The following CCDC30 variants were observed in gnomAD, a reference collection of about 807,000 sequenced individuals.
CCDC30 encodes coiled-coil domain-containing protein 30.
CCDC30 carries 70 observed loss-of-function variants against 100.2 expected under a neutral mutation model. The ratio of observed to expected loss-of-function variants is 0.70; its 90% confidence interval spans 0.58 to 0.85. CCDC30 has a LOEUF of 0.85. CCDC30 is among the 40% of genes least tolerant of loss of function. CCDC30 has a pLI of 0.00. For missense variants in CCDC30, 652 were observed against 771.2 expected (o/e 0.85, Z 1.83); for synonymous variants, 233 against 269.5 (o/e 0.86, Z 1.33).
chr1:42,515,438 T>C (rs1313161857), intron 6 of CCDC30, among the ~76,000 whole-genome samples: 1 of 152,190 alleles, frequency 6.6e-6, no homozygotes, highest in African/African-American at 2.4e-5. Flanking sequence ...CTTTGGGAGA[T>C]GATTTGGCAG....
intron 10 of CCDC30, chr1:42,593,968 A>G (rs1424499227): frequency 2.0e-5 from 3 of 152,170 alleles, no homozygotes; most frequent in African/African-American, 7.2e-5. Flanking sequence ...GTTGAGTTCT[A>G]GCACAGTCCA....
At chr1:42,651,161 G>A (rs12136206) in intron 15 of CCDC30, among the ~76,000 whole-genome samples, 41,697 of 151,750 alleles carry the variant, frequency 0.27, 6,183 homozygotes, top group Middle Eastern at 0.35. Flanking sequence ...ACATGATATT[G>A]ACCTGGACAA....
Position 42,546,428 on chromosome 1 carries a change from A to ATGTATATATATG in CCDC30, c.457-19867_457-19866insGTATATATATGT, listed in dbSNP as rs1645144447. On this transcript the variant is annotated intron_variant, in intron 6 of 16. Transcript: ENST00000668663. ...TATATATATATATATATATATATAT[A>ATGTATATATATG]TATATATATATATAGTATTCTAATA... Among the ~76,000 whole-genome samples, 30 of 73,766 alleles carry ATGTATATATATG rather than the reference A, an allele frequency of 4.1e-4. 1 individual carries two copies. The highest frequency in any genetic ancestry group is 1.2e-3 in the African/African-American group (27 of 23,304). The allele number at this position is 73,766 out of a possible 152,430, so 48.4% of individuals were successfully genotyped here. A position where few individuals can be genotyped will look rare whatever the true frequency, so the allele number is the denominator to read the frequency against.
intron 11 of CCDC30, among the ~76,000 whole-genome samples, chr1:42,633,604 C>G (rs996109322): frequency 6.6e-6 from 1 of 152,084 alleles, no homozygotes; most frequent in Non-Finnish European, 1.5e-5. Context: ...CCAAATCTAT[C>G]TTTGTCAATG....
intron 6 of CCDC30, among the ~76,000 whole-genome samples, chr1:42,507,223 A>T (rs1644408298): frequency 6.6e-6 from 1 of 152,130 alleles, no homozygotes; most frequent in Non-Finnish European, 1.5e-5. Context: ...CACCGTGCCC[A>T]GCCTCAATTT....
rs745854180 is a variant in CCDC30 at position 42,611,086 on chromosome 1, G to T, written c.1273G>T (p.Val425Leu). 2.5e-6 allele frequency: 4 copies of T among 1,572,220 alleles called. No homozygotes were observed. In the Admixed American group the frequency reaches 6.7e-5, roughly 26 times the overall value. Residue 425 changes from valine to leucine, a missense_variant, in exon 11 of 17, where the codon GTG becomes TTG. Val to Leu is a conservative substitution (Grantham distance 32). Coordinates refer to ENST00000668663, the Ensembl canonical transcript of CCDC30. ...ATTATTGAAGCTGCTTAATGTCCATGTGAGGTAAACAAAGACAAGTTCTCT... is the reference window on the plus strand; with the variant it reads ...ATTATTGAAGCTGCTTAATGTCCATTTGAGGTAAACAAAGACAAGTTCTCT...
chr1:42,505,055 G>A (rs1382838889), intron 6 of CCDC30, among the ~76,000 whole-genome samples: 1 of 152,158 alleles, frequency 6.6e-6, no homozygotes, highest in East Asian at 1.9e-4. Context: ...TCAGTTAGAA[G>A]GTGCTACCAT....
intron 11 of CCDC30, among the ~76,000 whole-genome samples, chr1:42,630,655 T>A (rs1647021233): frequency 6.6e-6 from 1 of 152,200 alleles, no homozygotes; most frequent in South Asian, 2.1e-4. Context: ...GTACTGGGAT[T>A]ACAGGCGTGA....
At chr1:42,612,840 T>A (rs1646651530) in intron 11 of CCDC30, among the ~76,000 whole-genome samples, 1 of 152,210 alleles carries the variant, frequency 6.6e-6, no homozygotes. Context: ...GAATTAACTC[T>A]CACAACATAA....
chr1:42,474,743 G>A (rs532957580), intron 1 of CCDC30, among the ~76,000 whole-genome samples: 87 of 152,256 alleles, frequency 5.7e-4, no homozygotes, highest in African/African-American at 2.0e-3. Context: ...CTCTAAGCCT[G>A]CTTCTTCACC....
chr1:42,579,160 T>G (rs1272674061), intron 8 of CCDC30, among the ~76,000 whole-genome samples: 1 of 151,950 alleles, frequency 6.6e-6, no homozygotes, highest in African/African-American at 2.4e-5. Flanking sequence ...CCAGCTAATT[T>G]TTGTACTTTT....
intron 6 of CCDC30, 52 bp from the exon 8 acceptor site, chr1:42,539,121 G>A (rs1186010547): frequency 6.8e-6 from 9 of 1,332,388 alleles, no homozygotes; most frequent in South Asian, 1.9e-5. Context: ...TATCTTTTAT[G>A]GGGGAAAATA....
chr1:42,564,684 T>A (rs1361594633), intron 6 of CCDC30, among the ~76,000 whole-genome samples: 1 of 152,240 alleles, frequency 6.6e-6, no homozygotes, highest in African/African-American at 2.4e-5. Context: ...TCTCACATAC[T>A]TTTTTGTGGT....
At chr1:42,508,749 A>G (rs2148488616) in intron 6 of CCDC30, among the ~76,000 whole-genome samples, 1 of 152,252 alleles carries the variant, frequency 6.6e-6, no homozygotes, top group South Asian at 2.1e-4. Flanking sequence ...ACCAGAAGTT[A>G]TCTTAGGGCC....
intron 15 of CCDC30, among the ~76,000 whole-genome samples, chr1:42,648,539 A>G (rs1322631924): frequency 6.6e-6 from 1 of 151,952 alleles, no homozygotes; most frequent in Non-Finnish European, 1.5e-5. Context: ...GCGTGGTGGC[A>G]TGCACCTGTA....
intron 6 of CCDC30, among the ~76,000 whole-genome samples, chr1:42,535,728 A>ATATATATATTATATAT (rs1177599266): frequency 9.1e-6 from 1 of 109,528 alleles, no homozygotes; most frequent in African/African-American, 3.4e-5. Flanking sequence ...TAAATTTTAA[A>ATATATATATTATATAT]AAATTAAAAA....
At chr1:42,543,301 TC>T (rs1645054291) in intron 6 of CCDC30, among the ~76,000 whole-genome samples, 1 of 143,308 alleles carries the variant, frequency 7.0e-6, no homozygotes, top group Non-Finnish European at 1.5e-5. Context: ...CCTCCTTCCC[TC>T]CCTCCCTTCC....
intron 6 of CCDC30, among the ~76,000 whole-genome samples, chr1:42,526,774 A>G (rs1249386975): frequency 6.6e-6 from 1 of 152,134 alleles, no homozygotes; most frequent in Non-Finnish European, 1.5e-5. Flanking sequence ...GATAAAAACT[A>G]TTTTTAAATT....
chr1:42,511,232 G>T lies in CCDC30; in HGVS notation c.456+12316G>T, dbSNP rs142980726. On this transcript the variant is annotated intron_variant, in intron 6 of 16. Transcript: ENST00000668663. ...GTGGAACCAGAGGAACTAAGCAACT[G>T]GGATTAGTCACGATTACCCATGTGA... 5.2e-3 allele frequency among the ~76,000 whole-genome samples: 794 copies of T among 152,188 alleles called. 8 individuals carry two copies. The highest frequency in any genetic ancestry group is 0.018 in the African/African-American group (767 of 41,512).
Sources: allele counts gnomAD v4.1 joint callset (sites outside exome capture counted in the v4.1 genomes callset), GRCh38; gene constraint gnomAD v4.1.1; transcripts MANE v1.5; gene names NCBI Gene and HGNC (gene_info 2026-07-23, HGNC 2026-07-21).